The following DIPK2B variants were observed in gnomAD, a reference collection of about 807,000 sequenced individuals.
DIPK2B encodes UPF0672 protein CXorf36.
A neutral mutation model predicts 22.2 loss-of-function variants in DIPK2B; 15 were observed. The ratio of observed to expected loss-of-function variants is 0.68; its 90% CI spans 0.45 to 1.04. The LOEUF (loss-of-function observed/expected upper bound fraction) is 1.04. Among genes scored for constraint, DIPK2B ranks in the 50% least tolerant of loss-of-function variants. DIPK2B has a pLI of 0.00. For synonymous variants in DIPK2B, 163 were observed against 153.2 expected (o/e 1.06, Z -0.47); for missense variants, 345 against 348.3 (o/e 0.99, Z 0.08).
intron 2 of DIPK2B, chrX:45,162,497 G>A: frequency 2.7e-6 from 2 of 754,214 alleles, no homozygotes; most frequent in Non-Finnish European, 1.6e-6. Flanking sequence ...TGAGACCTTT[G>A]TCTACTTCTG....
Position 45,151,561 on chromosome X carries a change from AAAG to A in DIPK2B, c.*88_*90del, listed in dbSNP as rs2046961116. ...GTGTGCCTTTCTTCTCATCTTTAAA[AAAG>A]AGCTGCTTCTTTCTACCTTGCAGCA... On this transcript the variant is annotated 3_prime_UTR_variant, in exon 5 of 5. Transcript: ENST00000398000. 1.1e-6 allele frequency: 1 copy of A among 882,248 alleles called. No individual in the cohort carries two copies. The highest frequency in any genetic ancestry group is 2.0e-5 in the African/African-American group (1 of 49,507). The allele number at this position is 882,248 out of a possible 1,213,427, so 72.7% of individuals were successfully genotyped here. A position where few individuals can be genotyped will look rare whatever the true frequency, so the allele number is the denominator to read the frequency against.
chrX:45,177,282 G>T (rs953993360), intron 2 of DIPK2B, among the ~76,000 whole-genome samples: 3 of 108,785 alleles, frequency 2.8e-5, no homozygotes, highest in Middle Eastern at 4.6e-3. Context: ...ACTTCATCTT[G>T]GGTGACAGAG....
rs147007791 is a variant in DIPK2B at position 45,186,890 on chromosome X, A to T, written c.498+4861T>A. ...ACCATCCCTTACATATTTTTGAGTT[A>T]CATTTAAACAAAAGTGAATTTCACT... On this transcript the variant is annotated intron_variant, in intron 2 of 4. Coordinates refer to ENST00000398000, the MANE Select transcript of DIPK2B (RefSeq NM_176819.4). Among the ~76,000 whole-genome samples, 610 of 112,613 alleles carry T rather than the reference A, an allele frequency of 5.4e-3. 2 individuals are homozygous for T. The highest frequency in any genetic ancestry group is 0.019 in the African/African-American group (579 of 30,996).
rs1008058518 is a variant in DIPK2B, at chrX:45,200,447, C to A, written c.233+147G>T. 8.6e-6 allele frequency: 5 copies of A among 581,245 alleles called. No individual in the cohort carries two copies. The African/African-American group carries it at 1.2e-4, about 13-fold the overall frequency. 47.9% of individuals were successfully genotyped at this position (581,245 alleles called of 1,213,427 possible). A position where few individuals can be genotyped will look rare whatever the true frequency, so the allele number is the denominator to read the frequency against. On this transcript the variant is annotated intron_variant, in intron 1 of 4. Coordinates refer to ENST00000398000, the MANE Select transcript of DIPK2B (RefSeq NM_176819.4). Reference sequence around the variant, plus strand: ...CATCTTGCCCTCTTACCCACCCCAACTTCAGACCATTACCACTCTGATTAA... The same window carrying A: ...CATCTTGCCCTCTTACCCACCCCAAATTCAGACCATTACCACTCTGATTAA...
At position 45,162,787 on chromosome X, in the gene DIPK2B, A is replaced by G. The variant is rs1338297035; in HGVS notation, c.499-4899T>C. 8.0e-6 allele frequency: 6 copies of G among 752,060 alleles called. No individual in the cohort carries two copies. In the African/African-American group the frequency reaches 1.4e-4, roughly 17 times the overall value. 62.0% of individuals were successfully genotyped at this position (752,060 alleles called of 1,213,427 possible). On this transcript the variant is annotated intron_variant, in intron 2 of 4. Transcript: ENST00000398000. ...CCGTGCCTGGTTTCCTCATCCTTGC[A>G]TTTCTTGTCTGGTGCTATCCCTTGG...
At chrX:45,160,526 T>C (rs1005061461) in intron 2 of DIPK2B, among the ~76,000 whole-genome samples, 4 of 111,811 alleles carry the variant, frequency 3.6e-5, no homozygotes, top group African/African-American at 6.5e-5. Flanking sequence ...AGTGTGAGAA[T>C]AGACTAATAC....
chrX:45,166,425 C>T (rs959378087), intron 2 of DIPK2B, among the ~76,000 whole-genome samples: 2 of 110,870 alleles, frequency 1.8e-5, no homozygotes, highest in African/African-American at 3.3e-5. Flanking sequence ...GGAAGGGCAG[C>T]GGGTTAGGAT....
chrX:45,178,834 G>C (rs1050615412), intron 2 of DIPK2B, among the ~76,000 whole-genome samples: 2 of 111,471 alleles, frequency 1.8e-5, no homozygotes, highest in African/African-American at 6.5e-5. Context: ...TATTTCAGAG[G>C]CTGCATGGTG....
At chrX:45,160,295 G>C (rs2047016112) in intron 2 of DIPK2B, among the ~76,000 whole-genome samples, 1 of 109,654 alleles carries the variant, frequency 9.1e-6, no homozygotes, top group African/African-American at 3.3e-5. Context: ...GCAACCTCCG[G>C]CTCCCAGGTT....
intron 1 of DIPK2B, among the ~76,000 whole-genome samples, chrX:45,194,292 C>T (rs1020908000): frequency 8.2e-5 from 9 of 110,318 alleles, no homozygotes; most frequent in Middle Eastern, 4.7e-3. Flanking sequence ...CTCTGTCACC[C>T]AGACTAGAGT....
At chrX:45,163,747 A>G (rs2047033733) in intron 2 of DIPK2B, 1 of 759,414 alleles carries the variant, frequency 1.3e-6, no homozygotes, top group African/African-American at 2.3e-5. Flanking sequence ...CTAGGGCAAG[A>G]ACAGGTTTTC....
rs773762100 is a variant in DIPK2B, at chrX:45,156,617, T to C, written c.672+1098A>G. 2.2e-3 allele frequency among the ~76,000 whole-genome samples: 250 copies of C among 111,696 alleles called. 1 individual carries two copies. The highest frequency in any genetic ancestry group is 7.7e-3 in the African/African-American group (237 of 30,730). ...TGGCTCTGCATTTGGGTTCTATTGC[T>C]GACGTTGGCTAAAAGTGACTTGGGC... is the stretch of plus-strand genomic sequence containing the variant. On this transcript the variant is annotated intron_variant, in intron 3 of 4. Transcript: ENST00000398000.
At position 45,157,850 on chromosome X, in the gene DIPK2B, T is replaced by G; in HGVS notation, c.537A>C (p.Arg179=). ...ASPLLRCPSQ[R]LLDRVVRRYA... ...AGCGCCTGACCACGCGATCCAGGAG[T>G]CGCTGCGAAGGGCAGCGCAGGAGCG... The change falls in exon 3 of 5, where the codon CGA becomes CGC. Residue 179 remains arginine, a synonymous_variant. Coordinates refer to ENST00000398000, the MANE Select transcript of DIPK2B (RefSeq NM_176819.4). The G allele has an allele frequency of 8.6e-7, 1 of 1,160,302 alleles. No individual in the cohort carries two copies. Among genetic ancestry groups the G allele is most frequent in the Non-Finnish European group, 1.1e-6 (1 of 870,498 alleles).
At chrX:45,182,482 A>G (rs761053464) in intron 2 of DIPK2B, among the ~76,000 whole-genome samples, 1 of 112,843 alleles carries the variant, frequency 8.9e-6, no homozygotes, top group Admixed American at 9.4e-5. Context: ...TTGGAAAACT[A>G]CTTAGCAGAA....
intron 2 of DIPK2B, among the ~76,000 whole-genome samples, chrX:45,171,516 A>C (rs1236678341): frequency 9.0e-6 from 1 of 110,880 alleles, no homozygotes; most frequent in Non-Finnish European, 1.9e-5. Flanking sequence ...AATGAAGTTT[A>C]GCTCCCCACC....
chrX:45,187,468 G>GCGCACACACACA (rs1556403888), intron 2 of DIPK2B, among the ~76,000 whole-genome samples: 3 of 98,478 alleles, frequency 3.0e-5, no homozygotes, highest in Non-Finnish European at 6.2e-5. Context: ...GCGCGCGCGC[G>GCGCACACACACA]CACACACACA....
At chrX:45,190,463 A>G (rs2047204828) in intron 2 of DIPK2B, among the ~76,000 whole-genome samples, 1 of 111,420 alleles carries the variant, frequency 9.0e-6, no homozygotes, top group Admixed American at 9.5e-5. Flanking sequence ...TTGTCTCAGT[A>G]CAGAGTGTCA....
chrX:45,151,981 C>T lies in DIPK2B; in HGVS notation c.973G>A (p.Ala325Thr). ...VIDKQEGSQE[A>T]NRAGENKDIF... ...TCTTTATTCTCTCCTGCCCTGTTGG[C>T]TTCTTGGCTGCCTAGAAAAGAAATG... Residue 325 changes from alanine (A) to threonine (T), a missense_variant, in exon 5 of 5, where the codon GCC becomes ACC. Coordinates refer to ENST00000398000, the MANE Select transcript of DIPK2B (RefSeq NM_176819.4). 8.6e-7 allele frequency: 1 copy of T among 1,169,543 alleles called. No individual in the cohort carries two copies. The highest frequency in any genetic ancestry group is 1.1e-6 in the Non-Finnish European group (1 of 873,298).
chrX:45,158,540 G>C (rs915076714), intron 2 of DIPK2B, among the ~76,000 whole-genome samples: 1 of 107,047 alleles, frequency 9.3e-6, no homozygotes, highest in African/African-American at 3.4e-5. Flanking sequence ...ATAAGACTTG[G>C]AGATACGAAC....
Sources: gnomAD v4.1 joint callset for allele counts (sites outside exome capture counted in the v4.1 genomes callset) on GRCh38, gnomAD v4.1.1 for gene constraint, MANE v1.5 for transcripts, NCBI Gene and HGNC (gene_info 2026-07-23, HGNC 2026-07-21) for gene names.